KCNU1: variants seen among roughly 807,000 people sequenced by gnomAD.
KCNU1 encodes the protein potassium calcium-activated channel subfamily U member 1, also known as potassium channel subfamily U member 1.
KCNU1 carries 93 observed loss-of-function variants against 126.8 expected under a neutral mutation model. The observed-to-expected ratio is 0.73, with a 90% confidence interval of 0.62 to 0.87. KCNU1 has a LOEUF of 0.87. Ranked by LOEUF, KCNU1 falls within the 40% of genes least tolerant of loss-of-function variation. KCNU1 has a pLI of 0.00. For missense variants in KCNU1, 1,330 were observed against 1,367.1 expected (o/e 0.97, Z 0.43); for synonymous variants, 523 against 494.2 (o/e 1.06, Z -0.77).
chr8:36,889,832 G>T (rs944455238), intron 19 of KCNU1, among the ~76,000 whole-genome samples: 2 of 151,798 alleles, frequency 1.3e-5, no homozygotes. Context: ...TATTCAAACT[G>T]CTAAGAAAAA....
chr8:36,832,042 C>G (rs1377559346), intron 10 of KCNU1, among the ~76,000 whole-genome samples: 1 of 152,120 alleles, frequency 6.6e-6, no homozygotes, highest in Non-Finnish European at 1.5e-5. Context: ...GCTTGTTTTT[C>G]TCAGGTTTGT....
rs946025344 is a variant in KCNU1, at chr8:36,935,582, C to A, written c.3112C>A (p.Pro1038Thr). The change falls in exon 27 of 27, where the codon CCC (proline) becomes ACC (threonine). Residue 1038 changes from proline to threonine, a missense_variant. Pro to Thr is a conservative substitution (Grantham distance 38, BLOSUM62 -1). This residue lies in a region of KCNU1 where 1,054 missense variants were observed against 1,053.9 expected (regional missense o/e 1.00). Transcript: ENST00000399881. ...TTCAGATCTTGTGTTTTGTGCCATA[C>A]CCTTCAGCACTGCTTGTTATAAAAG... ...LPSDLVFCAIPFSTACYKRNE... is the reference protein window; with the variant it reads ...LPSDLVFCAITFSTACYKRNE... 1.2e-6 allele frequency: 2 copies of A among 1,612,912 alleles called. No individual in the cohort carries two copies. The highest frequency in any genetic ancestry group is 2.2e-5 in the East Asian group (1 of 44,856).
At chr8:36,849,612 A>C (rs1024415065) in intron 18 of KCNU1, among the ~76,000 whole-genome samples, 2 of 151,938 alleles carry the variant, frequency 1.3e-5, no homozygotes, top group African/African-American at 2.4e-5. Flanking sequence ...AACAAACAAA[A>C]CCCACCAAAA....
intron 2 of KCNU1, among the ~76,000 whole-genome samples, chr8:36,802,804 A>C (rs10216528): frequency 0.06 from 9,133 of 152,210 alleles, 941 homozygotes; most frequent in African/African-American, 0.21. Context: ...TGATTTGCAT[A>C]TTAATTATCT....
intron 19 of KCNU1, among the ~76,000 whole-genome samples, chr8:36,881,245 T>C (rs560288378): frequency 2.5e-4 from 38 of 152,238 alleles, no homozygotes; most frequent in Non-Finnish European, 4.4e-4. Context: ...TTTTTTTGTT[T>C]GTTTGTTTTT....
Position 36,890,780 on chromosome 8 carries a change from G to C in KCNU1, c.2010-14928G>C, listed in dbSNP as rs1806932263. The stretch of plus-strand genomic sequence containing the variant: ...TACTTTTAATATAAATATTTGGACA[G>C]ATTAAAAATAAAATAATGAAGAAAG... On this transcript the variant is annotated intron_variant, in intron 19 of 26. Transcript: ENST00000399881. Among the ~76,000 whole-genome samples the C allele has an allele frequency of 2.6e-5, 4 of 151,762 alleles. No individual in the cohort carries two copies. In the South Asian group the frequency reaches 8.3e-4, roughly 31 times the overall value.
intron 5 of KCNU1, 144 bp from the exon 6 acceptor site, chr8:36,807,231 G>T: frequency 1.5e-6 from 1 of 646,976 alleles, no homozygotes; most frequent in Non-Finnish European, 2.8e-6. Context: ...TACAGCTTAT[G>T]CTGTTAAGCC....
chr8:36,807,438 C>G lies in KCNU1; in HGVS notation c.644C>G (p.Ala215Gly), dbSNP rs1416954892. 6.2e-7 allele frequency: 1 copy of G among 1,611,706 alleles called. No individual in the cohort carries two copies. The highest frequency in any genetic ancestry group is 8.5e-7 in the Non-Finnish European group (1 of 1,178,062). The change falls in exon 6 of 27, where the codon GCC (alanine) becomes GGC (glycine). Residue 215 changes from alanine (A) to glycine (G), a missense_variant. Transcript: ENST00000399881. ...CCTCAAATCTTGCAAATTCTACGAG[C>G]CATCAAGACCAGGTAAATAGCCCTG... The part of the protein sequence containing the change: ...ELPQILQILR[A>G]IKTSNSVKFS...
At chr8:36,831,621 G>A (rs1324965865) in intron 10 of KCNU1, among the ~76,000 whole-genome samples, 5 of 146,858 alleles carry the variant, frequency 3.4e-5, no homozygotes, top group African/African-American at 1.0e-4. Flanking sequence ...TTTTTTTCTT[G>A]TAAATTTGTT....
chr8:36,857,205 G>C (rs542638078), intron 18 of KCNU1, among the ~76,000 whole-genome samples: 1 of 152,186 alleles, frequency 6.6e-6, no homozygotes, highest in African/African-American at 2.4e-5. Flanking sequence ...CTCTGCCTTG[G>C]GGGTGAGCTG....
Position 36,911,030 on chromosome 8 carries a change from C to T in KCNU1, c.2432C>T (p.Thr811Ile), listed in dbSNP as rs891279829. Reference sequence around the variant, plus strand: ...CCACCCCAGCCATCAAGCAACCAGACTTTGGTAGACACAGAAGCCATCATG... The same window carrying T: ...CCACCCCAGCCATCAAGCAACCAGATTTTGGTAGACACAGAAGCCATCATG... The part of the protein sequence containing the change: ...SPPPQPSSNQ[T>I]LVDTEAIMAT... The change falls in exon 22 of 27, where the codon ACT becomes ATT. Residue 811 changes from threonine (T) to isoleucine (I), a missense_variant. Coordinates refer to ENST00000399881, the MANE Select transcript of KCNU1 (RefSeq NM_001031836.3). 1 of 1,613,690 alleles carries T rather than the reference C, an allele frequency of 6.2e-7. No individual in the cohort carries two copies. The highest frequency in any genetic ancestry group is 2.2e-5 in the East Asian group (1 of 44,830).
intron 24 of KCNU1, among the ~76,000 whole-genome samples, chr8:36,929,387 C>CAAA (rs35835813): frequency 4.0e-5 from 4 of 99,286 alleles, no homozygotes; most frequent in East Asian, 5.7e-4. Flanking sequence ...GACCCTGTCT[C>CAAA]AAAAAAAAAA....
At chr8:36,809,594 T>G (rs982512560) in intron 7 of KCNU1, among the ~76,000 whole-genome samples, 3 of 152,152 alleles carry the variant, frequency 2.0e-5, no homozygotes, top group Non-Finnish European at 4.4e-5. Context: ...AATCTGAAGC[T>G]CTCTACATCC....
intron 16 of KCNU1, among the ~76,000 whole-genome samples, chr8:36,843,007 T>A (rs1433702071): frequency 6.6e-6 from 1 of 152,178 alleles, no homozygotes; most frequent in Non-Finnish European, 1.5e-5. Context: ...AAAACCCTAC[T>A]TTTGACTGCA....
chr8:36,866,123 G>A (rs889606686), intron 19 of KCNU1, among the ~76,000 whole-genome samples: 2 of 151,696 alleles, frequency 1.3e-5, no homozygotes, highest in African/African-American at 4.9e-5. Flanking sequence ...GCTTATTATT[G>A]CAATGATCAA....
At chr8:36,918,070 ATT>A (rs1157297099) in intron 22 of KCNU1, among the ~76,000 whole-genome samples, 1 of 152,132 alleles carries the variant, frequency 6.6e-6, no homozygotes, top group Non-Finnish European at 1.5e-5. Context: ...CCACCCATAT[ATT>A]TGCAGTTTCC....
At chr8:36,797,519 A>T (rs970470990) in intron 2 of KCNU1, among the ~76,000 whole-genome samples, 10 of 152,024 alleles carry the variant, frequency 6.6e-5, no homozygotes, top group Non-Finnish European at 1.3e-4. Context: ...ATCTAGCATG[A>T]TTTCTTCTTA....
intron 14 of KCNU1, among the ~76,000 whole-genome samples, chr8:36,838,853 C>T (rs935005342): frequency 6.6e-6 from 1 of 152,100 alleles, no homozygotes; most frequent in African/African-American, 2.4e-5. Context: ...AAGTCTGAAA[C>T]CTACTTTCAG....
At chr8:36,842,139 A>G (rs1195587731) in intron 16 of KCNU1, among the ~76,000 whole-genome samples, 1 of 152,196 alleles carries the variant, frequency 6.6e-6, no homozygotes, top group African/African-American at 2.4e-5. Flanking sequence ...GGCCGTGGAT[A>G]AGGATTCATC....
Sources: gnomAD v4.1 joint callset for allele counts (sites outside exome capture counted in the v4.1 genomes callset) on GRCh38, gnomAD v4.1.1 for gene constraint, gnomAD v4.1.1 regional missense constraint, MANE v1.5 for transcripts, NCBI Gene and HGNC (gene_info 2026-07-23, HGNC 2026-07-21) for gene names.